Variants in FER1L5 observed in about 807,000 individuals in gnomAD.
FER1L5 encodes the protein fer-1 like family member 5.
A neutral mutation model predicts 279.9 loss-of-function variants in FER1L5; 187 were observed. That is an observed-to-expected ratio of 0.67 (90% CI 0.59 to 0.75). The LOEUF (loss-of-function observed/expected upper bound fraction) is 0.75, where lower values mean the gene tolerates loss of function less well. Ranked by LOEUF, FER1L5 falls within the 30% of genes least tolerant of loss-of-function variation. FER1L5 has a pLI of 0.00. For missense variants in FER1L5, 2,091 were observed against 2,594.4 expected (o/e 0.81, Z 4.21); for synonymous variants, 921 against 989.7 (o/e 0.93, Z 1.30).
chr2:96,684,603 G>T (rs1236163981), intron 20 of FER1L5, among the ~76,000 whole-genome samples, 152 bp downstream of exon 20: 2 of 152,216 alleles, frequency 1.3e-5, no homozygotes, highest in African/African-American at 4.8e-5. Flanking sequence ...CAGAAGCAGG[G>T]TAGGCACTGA....
intron 2 of FER1L5, among the ~76,000 whole-genome samples, chr2:96,646,774 C>T (rs762906045): frequency 6.6e-6 from 1 of 152,192 alleles, no homozygotes; most frequent in Non-Finnish European, 1.5e-5. Flanking sequence ...GCATGACTCC[C>T]TCTCATCTGC....
At chr2:96,688,720 G>C (rs2077027845) in intron 24 of FER1L5, among the ~76,000 whole-genome samples, 1 of 152,092 alleles carries the variant, frequency 6.6e-6, no homozygotes, top group Admixed American at 6.5e-5. Context: ...AGTTCAGGGT[G>C]CGGGGCAGGG....
chr2:96,683,607 T>TA (rs1310222180), intron 19 of FER1L5, among the ~76,000 whole-genome samples: 8 of 151,856 alleles, frequency 5.3e-5, no homozygotes, highest in African/African-American at 1.9e-4. Flanking sequence ...GGGTCCCTGT[T>TA]AGACTGCCCA....
intron 24 of FER1L5, among the ~76,000 whole-genome samples, chr2:96,688,578 G>C (rs1039616414): frequency 3.3e-5 from 5 of 152,192 alleles, no homozygotes; most frequent in African/African-American, 1.2e-4. Context: ...GGGAAATAAG[G>C]TTTGAGCGTC....
In FER1L5 at chr2:96,689,209, C is replaced by T; in HGVS notation, c.2362-4C>T. ...GGCCGCCCTGACAAGCTTCCCTCCC[C>T]TAGTATGAGAATCAGGCCAAGTATA... On this transcript the variant is annotated splice_polypyrimidine_tract_variant and splice_region_variant and intron_variant, in intron 24 of 52. Transcript: ENST00000624922. The surrounding 1 kb of genome is among the most constrained non-coding windows in gnomAD (Gnocchi z 4.6). 6.5e-7 allele frequency: 1 copy of T among 1,549,932 alleles called. No homozygotes were observed. Among genetic ancestry groups the T allele is most frequent in the Non-Finnish European group, 8.7e-7 (1 of 1,146,422 alleles).
intron 9 of FER1L5, among the ~76,000 whole-genome samples, chr2:96,656,990 G>C (rs1161055820): frequency 1.3e-5 from 2 of 151,464 alleles, no homozygotes; most frequent in Non-Finnish European, 2.9e-5. Flanking sequence ...AGCTAATGAT[G>C]ATCATTGCCT....
At chr2:96,671,294 G>T (rs1368292080) in intron 18 of FER1L5, among the ~76,000 whole-genome samples, 2 of 152,170 alleles carry the variant, frequency 1.3e-5, no homozygotes, top group East Asian at 3.9e-4. Context: ...CTGGAGGAGA[G>T]TAAGTTGGGG....
intron 4 of FER1L5, among the ~76,000 whole-genome samples, chr2:96,649,006 G>A (rs901437822): frequency 1.3e-5 from 2 of 151,654 alleles, no homozygotes; most frequent in African/African-American, 4.8e-5. Context: ...GAGGCAGGGT[G>A]AGGGAGGGTG....
At position 96,700,432 on chromosome 2, in the gene FER1L5, C is replaced by T. The variant is rs1437932743; in HGVS notation, c.5031C>T (p.Thr1677=). ...GGCTGGTACCTGAGCACGTGGAGAC[C>T]CGCACACTGTACAGCCACAGCCAGC... The part of the protein sequence containing the change: ...TQGLVPEHVE[T]RTLYSHSQPG... Residue 1677 remains threonine (T), a synonymous_variant, in exon 45 of 53, where the codon ACC becomes ACT. Transcript: ENST00000624922. 6.2e-7 allele frequency: 1 copy of T among 1,613,734 alleles called. No homozygotes were observed. The highest frequency in any genetic ancestry group is 8.5e-7 in the Non-Finnish European group (1 of 1,179,874).
At chr2:96,687,160 G>T (rs2076962255) in intron 23 of FER1L5, among the ~76,000 whole-genome samples, 1 of 152,130 alleles carries the variant, frequency 6.6e-6, no homozygotes. Flanking sequence ...GCTCCCCACT[G>T]CCTCCTGGAG....
In FER1L5 at chr2:96,652,016, A is replaced by G. The variant is rs1194875399; in HGVS notation, c.629A>G (p.Asn210Ser). The G allele has an allele frequency of 7.7e-6, 12 of 1,551,720 alleles. No individual in the cohort carries two copies. Among genetic ancestry groups the G allele is most frequent in the Non-Finnish European group, 1.0e-5 (12 of 1,146,980 alleles). ...RIKMGNNPFF[N>S]EIFFQNFHEV... Reference sequence around the variant, plus strand: ...AAGATGGGAAACAACCCTTTCTTTAATGAGGTGGGCTGAACGGGGCACATC... The same window carrying G: ...AAGATGGGAAACAACCCTTTCTTTAGTGAGGTGGGCTGAACGGGGCACATC... The change falls in exon 7 of 53, where the codon AAT (asparagine) becomes AGT (serine). Residue 210 changes from asparagine (N) to serine (S), a missense_variant. Coordinates refer to ENST00000624922, the MANE Select transcript of FER1L5 (RefSeq NM_001293083.2).
intron 12 of FER1L5, among the ~76,000 whole-genome samples, 191 bp downstream of exon 12, chr2:96,661,982 C>T (rs949585761): frequency 3.9e-5 from 6 of 152,152 alleles, no homozygotes; most frequent in Admixed American, 2.6e-4. Context: ...AAACGGGTCT[C>T]ACACCCCCAG....
At chr2:96,682,222 G>A (rs903752370) in intron 19 of FER1L5, among the ~76,000 whole-genome samples, 3 of 152,178 alleles carry the variant, frequency 2.0e-5, no homozygotes, top group Non-Finnish European at 2.9e-5. Context: ...AGGTAGCTGG[G>A]ATTACAGCTG....
Position 96,670,132 on chromosome 2 carries a change from C to G in FER1L5, c.1376C>G (p.Ser459Cys). ...CGCTTGCCCTAGTGTATTCCCGACT[C>G]TGTTAGGGATGGTTTAGCTTATCGA... ...IQEEGACIPD[S>C]VRDGLAYRGR... The change falls in exon 18 of 53, where the codon TCT (serine) becomes TGT (cysteine). Residue 459 changes from serine (S) to cysteine (C), a missense_variant. By Grantham distance (112) the Ser-to-Cys change is moderately radical. Coordinates refer to ENST00000624922, the MANE Select transcript of FER1L5 (RefSeq NM_001293083.2). 1 of 1,551,662 alleles carries G rather than the reference C, an allele frequency of 6.4e-7. No individual in the cohort carries two copies. Among genetic ancestry groups the G allele is most frequent in the East Asian group, 2.4e-5 (1 of 40,914 alleles).
In FER1L5 at chr2:96,661,414, G is replaced by A. The variant is rs768352897; in HGVS notation, c.868G>A (p.Ala290Thr). 8 of 1,551,536 alleles carry A rather than the reference G, an allele frequency of 5.2e-6. No homozygotes were observed. The Admixed American group carries it at 5.9e-5, about 11-fold the overall frequency. The change falls in exon 11 of 53, where the codon GCC becomes ACC. Residue 290 changes from alanine to threonine, a missense_variant. Ala to Thr is a moderately conservative substitution (Grantham distance 58). Transcript: ENST00000624922. ...VTGYLKVTIY[A>T]LGVGDQALID... is the part of the protein sequence containing the mutation. Reference sequence around the variant, plus strand: ...AGGCTACCTGAAAGTCACCATCTATGCCCTCGGTGTGGGAGACCAGGCCCT... The same window carrying A: ...AGGCTACCTGAAAGTCACCATCTATACCCTCGGTGTGGGAGACCAGGCCCT...
chr2:96,647,202 C>T, intron 3 of FER1L5, 47 bp downstream of exon 3: 2 of 1,521,908 alleles, frequency 1.3e-6, no homozygotes, highest in Non-Finnish European at 1.8e-6. Flanking sequence ...ACCAACGCAG[C>T]AGCAAGTTAT....
Position 96,691,951 on chromosome 2 carries a change from TGCACCTTCAATAGTAA to T in FER1L5, c.3207_3214+8del. On this transcript the variant is annotated splice_donor_variant and splice_donor_region_variant and coding_sequence_variant and intron_variant, in exon 30 of 53. Coordinates refer to ENST00000624922, the MANE Select transcript of FER1L5 (RefSeq NM_001293083.2). LOFTEE classifies it high-confidence loss of function. This position sits in a 1 kb window ranked among gnomAD's most constrained non-coding sequence, Gnocchi z 6.0. Reference sequence around the variant, plus strand: ...GCCCCCCAACTTGCCCTTCATCTACTGCACCTTCAATAGTAAGCACTGACTTGGGAGTCTACTTGAA... The same window carrying T: ...GCCCCCCAACTTGCCCTTCATCTACTGCACTGACTTGGGAGTCTACTTGAA... The T allele has an allele frequency of 6.7e-7, 1 of 1,498,162 alleles. No individual in the cohort carries two copies. The highest frequency in any genetic ancestry group is 1.5e-5 in the African/African-American group (1 of 67,482). The allele number at this position is 1,498,162 out of a possible 1,614,324, so 92.8% of individuals were successfully genotyped here.
chr2:96,669,175 T>C (rs1338092443), intron 17 of FER1L5, 38 bp downstream of exon 17: 13 of 1,533,956 alleles, frequency 8.5e-6, no homozygotes, highest in Non-Finnish European at 1.1e-5. Context: ...ACAGTGGAGG[T>C]AGAGCTTCCC....
At chr2:96,688,062 G>A (rs2077000200) in intron 24 of FER1L5, 115 bp downstream of exon 24, 2 of 1,329,434 alleles carry the variant, frequency 1.5e-6, no homozygotes, top group Middle Eastern at 2.3e-4. Flanking sequence ...AAGGGAGGGT[G>A]TAGCTGCAGT....
Sources: gnomAD v4.1 joint callset for allele counts (sites outside exome capture counted in the v4.1 genomes callset) on GRCh38, gnomAD v4.1.1 for gene constraint, Gnocchi (gnomAD v3.1) non-coding constraint, MANE v1.5 for transcripts, NCBI Gene and HGNC (gene_info 2026-07-23, HGNC 2026-07-21) for gene names.